MNT: variants seen among roughly 807,000 people sequenced by gnomAD.
MNT encodes the protein max-binding protein MNT.
In MNT, 13 loss-of-function variants were observed where a neutral mutation model predicts 40.7. The observed-to-expected ratio is 0.32, with a 90% CI of 0.21 to 0.51. The LOEUF is 0.51. Ranked by LOEUF, MNT falls within the 20% of genes least tolerant of loss-of-function variation. The pLI is 0.98. For missense variants in MNT, 757 were observed against 792.0 expected, an observed-to-expected ratio of 0.96 and a Z score of 0.53; for synonymous variants, 426 against 354.8, an observed-to-expected ratio of 1.20 and a Z score of -2.26.
chr17:2,394,293 A>G lies in MNT; in HGVS notation c.695+12T>C, dbSNP rs1432241145. The G allele has an allele frequency of 1.2e-6, 2 of 1,612,790 alleles. No homozygotes were observed. The highest frequency in any genetic ancestry group is 2.7e-5 in the African/African-American group (2 of 74,772). On this transcript the variant is annotated intron_variant, in intron 3 of 5. Coordinates refer to ENST00000174618, the MANE Select transcript of MNT (RefSeq NM_020310.3). Reference sequence around the variant, plus strand: ...CGCACGCACGCACACACACACACACACACACACACACCTGTTCTTCTCCAA... The same window carrying G: ...CGCACGCACGCACACACACACACACGCACACACACACCTGTTCTTCTCCAA...
At position 2,385,505 on chromosome 17, in the gene MNT, A is replaced by T. The variant is rs535604916; in HGVS notation, c.*1396T>A. 1 of 152,712 alleles carries T rather than the reference A, an allele frequency of 6.5e-6. No homozygotes were observed. Among genetic ancestry groups the T allele is most frequent in the African/African-American group, 2.4e-5 (1 of 41,594 alleles). 9.5% of individuals were successfully genotyped at this position (152,712 alleles called of 1,614,324 possible). A position where few individuals can be genotyped will look rare whatever the true frequency, so the allele number is the denominator to read the frequency against. On this transcript the variant is annotated 3_prime_UTR_variant, in exon 6 of 6. Transcript: ENST00000174618. ...AAACACCCACATACAAGGAAAGGCCAAAGCAGGCTGCCCAGAGGCAGAGAA... is the reference window on the plus strand; with the variant it reads ...AAACACCCACATACAAGGAAAGGCCTAAGCAGGCTGCCCAGAGGCAGAGAA...
At chr17:2,398,636 C>T (rs2066592985) in intron 1 of MNT, among the ~76,000 whole-genome samples, 1 of 152,218 alleles carries the variant, frequency 6.6e-6, no homozygotes, top group Non-Finnish European at 1.5e-5. Flanking sequence ...AGACCTCTGA[C>T]CGGCACACAG....
rs537904668 is a variant in MNT at position 2,399,274 on chromosome 17, C to T, written c.73+1366G>A. The stretch of plus-strand genomic sequence containing the variant: ...AAAGGGAGGTCTTTCCCGCCAGCCC[C>T]TCTGCAGCACCCTGAAGCCAGGGAC... On this transcript the variant is annotated intron_variant, in intron 1 of 5. Coordinates refer to ENST00000174618, the MANE Select transcript of MNT (RefSeq NM_020310.3). Among the ~76,000 whole-genome samples, 42 of 152,220 alleles carry T rather than the reference C, an allele frequency of 2.8e-4. 2 individuals are homozygous for T. In the South Asian group the frequency reaches 7.1e-3, roughly 26 times the overall value.
rs904064554 is a variant in MNT at position 2,400,976 on chromosome 17, C to T, written c.-264G>A. On this transcript the variant is annotated 5_prime_UTR_variant, in exon 1 of 6. Transcript: ENST00000174618. ...AAAGGCGGCACTGCCTCCCTTCTTC[C>T]CCTCCCTCTCTACCTCCCTTCCGAT... The T allele has an allele frequency of 2.8e-5, 10 of 353,820 alleles. No individual in the cohort carries two copies. The highest frequency in any genetic ancestry group is 2.2e-4 in the African/African-American group (10 of 45,896). 21.9% of individuals were successfully genotyped at this position (353,820 alleles called of 1,614,324 possible).
chr17:2,398,295 CT>C lies in MNT; in HGVS notation c.73+2344del, dbSNP rs1372700218. ...GTCTGGGCACCAGGATAGCTCTGCC[CT>C]TTCCCCTCTCTCTCACAGGCACACA... is the stretch of plus-strand genomic sequence containing the variant. On this transcript the variant is annotated intron_variant, in intron 1 of 5. Coordinates refer to ENST00000174618, the MANE Select transcript of MNT (RefSeq NM_020310.3). 6.6e-5 allele frequency among the ~76,000 whole-genome samples: 10 copies of C among 152,372 alleles called. No homozygotes were observed. In the East Asian group the frequency reaches 1.9e-3, roughly 29 times the overall value.
intron 3 of MNT, 33 bp from the exon 4 acceptor site, chr17:2,394,187 C>T: frequency 6.2e-7 from 1 of 1,602,674 alleles, no homozygotes; most frequent in Non-Finnish European, 8.5e-7. Flanking sequence ...GTCAGCGGTG[C>T]CTGGGGCGGG....
intron 1 of MNT, among the ~76,000 whole-genome samples, chr17:2,399,869 C>T (rs546420231): frequency 9.1e-4 from 139 of 152,348 alleles, no homozygotes; most frequent in African/African-American, 3.2e-3. Flanking sequence ...TAAAGCGGGG[C>T]GCAGCGAGGG....
intron 4 of MNT, chr17:2,390,488 G>C (rs2066504476): frequency 1.3e-5 from 2 of 152,330 alleles, no homozygotes; most frequent in South Asian, 4.1e-4. Flanking sequence ...CCTGTGAACT[G>C]TGCACACCAG....
At chr17:2,398,568 G>A (rs1597422946) in intron 1 of MNT, among the ~76,000 whole-genome samples, 1 of 152,180 alleles carries the variant, frequency 6.6e-6, no homozygotes, top group Non-Finnish European at 1.5e-5. Flanking sequence ...GATCGGTTCC[G>A]GACACCCGTA....
chr17:2,387,235 G>GGGGCGATGT lies in MNT; in HGVS notation c.1406_1414dup (p.His469_Ala471dup), dbSNP rs780235281. 2.5e-6 allele frequency: 4 copies of GGGGCGATGT among 1,612,158 alleles called. No homozygotes were observed. The East Asian group carries it at 6.7e-5, about 27-fold the overall frequency. On this transcript the variant is annotated inframe_insertion, in exon 6 of 6. Coordinates refer to ENST00000174618, the MANE Select transcript of MNT (RefSeq NM_020310.3). ...TTGCACCGCAGGGCTGGGGGCCGAG[G>GGGGCGATGT]GGGCGATGTGGGCGATGTGCTTGCC...
Position 2,386,759 on chromosome 17 carries a change from G to T in MNT, c.*142C>A. On this transcript the variant is annotated 3_prime_UTR_variant, in exon 6 of 6. Transcript: ENST00000174618. Reference sequence around the variant, plus strand: ...TTCCCTCCCTTGGCTCAGAGTCTTTGCACCCCCTTCCCCTAGGAGGCCTGG... The same window carrying T: ...TTCCCTCCCTTGGCTCAGAGTCTTTTCACCCCCTTCCCCTAGGAGGCCTGG... The T allele has an allele frequency of 1.2e-6, 1 of 807,022 alleles. No individual in the cohort carries two copies. Among genetic ancestry groups the T allele is most frequent in the Non-Finnish European group, 1.8e-6 (1 of 564,280 alleles). The allele number at this position is 807,022 out of a possible 1,614,324, so 50.0% of individuals were successfully genotyped here.
intron 3 of MNT, 41 bp downstream of exon 3, chr17:2,394,264 C>T (rs370453821): frequency 8.6e-6 from 13 of 1,514,482 alleles, no homozygotes; most frequent in Non-Finnish European, 1.1e-5. Flanking sequence ...GGGTCGCGCG[C>T]GCACGCACGC....
At position 2,395,240 on chromosome 17, in the gene MNT, G is replaced by T; in HGVS notation, c.288C>A (p.Asn96Lys). 6.6e-7 allele frequency: 1 copy of T among 1,508,978 alleles called. No homozygotes were observed. Among genetic ancestry groups the T allele is most frequent in the Non-Finnish European group, 8.9e-7 (1 of 1,124,226 alleles). 93.5% of individuals were successfully genotyped at this position (1,508,978 alleles called of 1,614,324 possible). A position where few individuals can be genotyped will look rare whatever the true frequency, so the allele number is the denominator to read the frequency against. ...LTVIPIPVVT[N>K]SPQPLPPPPP... ...GGGGTGGGGGTAGAGGCTGAGGGGA[G>T]TTGGTCACCACAGGGATAGGGATGA... Residue 96 changes from asparagine (N) to lysine (K), a missense_variant, in exon 2 of 6, where the codon AAC (asparagine) becomes AAA (lysine). Transcript: ENST00000174618.
At chr17:2,396,913 C>A (rs890773367) in intron 1 of MNT, 1 of 152,384 alleles carries the variant, frequency 6.6e-6, no homozygotes, top group African/African-American at 2.4e-5. Flanking sequence ...GGGAGGAGAG[C>A]ACCCACCTCC....
chr17:2,391,573 A>G (rs1311878448), intron 4 of MNT: 1 of 152,274 alleles, frequency 6.6e-6, no homozygotes, highest in Non-Finnish European at 1.5e-5. Flanking sequence ...GACTACCTGG[A>G]TGCACGGTTT....
Position 2,386,794 on chromosome 17 carries a change from G to T in MNT, c.*107C>A, listed in dbSNP as rs1184832633. 2.4e-6 allele frequency: 3 copies of T among 1,234,034 alleles called. No individual in the cohort carries two copies. Among genetic ancestry groups the T allele is most frequent in the Non-Finnish European group, 3.3e-6 (3 of 920,498 alleles). The allele number at this position is 1,234,034 out of a possible 1,614,324, so 76.4% of individuals were successfully genotyped here. A position where few individuals can be genotyped will look rare whatever the true frequency, so the allele number is the denominator to read the frequency against. ...CCCCTAGGAGGCCTGGGGGTGGGTG[G>T]GGGGGCTGGCCTGGGCCTGGCTGGA... On this transcript the variant is annotated 3_prime_UTR_variant, in exon 6 of 6. Transcript: ENST00000174618.
intron 4 of MNT, among the ~76,000 whole-genome samples, chr17:2,392,994 T>G (rs2066535356): frequency 6.6e-6 from 1 of 152,006 alleles, no homozygotes; most frequent in African/African-American, 2.4e-5. Flanking sequence ...GACCCCGCGG[T>G]CGAGGCCGGG....
At chr17:2,394,464 C>A in intron 2 of MNT, 118 bp from the exon 3 acceptor site, 1 of 1,471,186 alleles carries the variant, frequency 6.8e-7, no homozygotes, top group Non-Finnish European at 9.3e-7. Context: ...TGTCTTAAAG[C>A]AGACTGGGAG....
chr17:2,386,263 G>A lies in MNT; in HGVS notation c.*638C>T, dbSNP rs527422930. On this transcript the variant is annotated 3_prime_UTR_variant, in exon 6 of 6. Transcript: ENST00000174618. ...TGTTGGTAGAGAATCATTTTAAGTA[G>A]TATCTACGGTAACGAATCACAGTGA... 5 of 152,240 alleles carry A rather than the reference G, an allele frequency of 3.3e-5. No homozygotes were observed. The highest frequency in any genetic ancestry group is 5.9e-5 in the Non-Finnish European group (4 of 68,088). 9.4% of individuals were successfully genotyped at this position (152,240 alleles called of 1,614,324 possible).
Sources: allele counts gnomAD v4.1 joint callset (sites outside exome capture counted in the v4.1 genomes callset), GRCh38; gene constraint gnomAD v4.1.1; transcripts MANE v1.5; gene names NCBI Gene and HGNC (gene_info 2026-07-23, HGNC 2026-07-21).